The following GRIN2A variants were observed in gnomAD, a reference collection of about 807,000 sequenced individuals.
GRIN2A encodes the protein glutamate ionotropic receptor NMDA type subunit 2A.
GRIN2A carries 22 observed loss-of-function variants against 113.4 expected under a neutral mutation model. The ratio of observed to expected loss-of-function variants is 0.19; its 90% CI spans 0.14 to 0.28. The LOEUF (loss-of-function observed/expected upper bound fraction) is 0.28. Among genes scored for constraint, GRIN2A ranks in the 10% least tolerant of loss-of-function variants. The pLI is 1.00. For missense variants in GRIN2A, 1,502 were observed against 1,887.0 expected, an observed-to-expected ratio of 0.80 and a Z score of 3.78; for synonymous variants, 827 against 738.4, an observed-to-expected ratio of 1.12 and a Z score of -1.94.
At chr16:9,784,432 A>G (rs1469330366) in intron 11 of GRIN2A, among the ~76,000 whole-genome samples, 1 of 142,636 alleles carries the variant, frequency 7.0e-6, no homozygotes, top group African/African-American at 2.8e-5. Flanking sequence ...CTCTAACAAC[A>G]ACAACAACCA....
chr16:9,971,795 A>T (rs531021738), intron 2 of GRIN2A, among the ~76,000 whole-genome samples: 11 of 152,316 alleles, frequency 7.2e-5, no homozygotes, highest in Non-Finnish European at 1.6e-4. Context: ...CCAAACAGGT[A>T]AAAAATTAAA....
At chr16:10,023,666 GA>G (rs2046766728) in intron 2 of GRIN2A, among the ~76,000 whole-genome samples, 1 of 152,190 alleles carries the variant, frequency 6.6e-6, no homozygotes, top group Non-Finnish European at 1.5e-5. Flanking sequence ...CCTCTTGTGA[GA>G]AAAAAGTTTT....
chr16:9,803,964 C>A (rs1471757917), intron 10 of GRIN2A, among the ~76,000 whole-genome samples: 1 of 152,144 alleles, frequency 6.6e-6, no homozygotes, highest in African/African-American at 2.4e-5. Flanking sequence ...CCAGAGCGGC[C>A]GGAGTTTCAA....
Position 9,849,881 on chromosome 16 carries a change from C to G in GRIN2A, c.1203G>C (p.Pro401=). The G allele has an allele frequency of 6.2e-7, 1 of 1,613,976 alleles. No individual in the cohort carries two copies. The highest frequency in any genetic ancestry group is 1.1e-5 in the South Asian group (1 of 91,080). The change falls in exon 5 of 13, where the codon CCG becomes CCC. Residue 401 remains proline (P), a synonymous_variant. Transcript: ENST00000330684. ...TGACGATGCTGAGATGGTTGTCATC[C>G]GGCTCACAGTCGGAGAAGGACTTGT... is the stretch of plus-strand genomic sequence containing the variant. The part of the protein sequence containing the change: ...PRYKSFSDCE[P]DDNHLSIVTL...
chr16:10,110,910 G>A (rs1258255911), intron 2 of GRIN2A, among the ~76,000 whole-genome samples: 6 of 152,322 alleles, frequency 3.9e-5, no homozygotes, highest in African/African-American at 7.2e-5. Context: ...AGACGAGTAA[G>A]AAGTACATCT....
intron 11 of GRIN2A, among the ~76,000 whole-genome samples, chr16:9,795,356 G>T (rs987099591): frequency 6.6e-6 from 1 of 152,166 alleles, no homozygotes; most frequent in African/African-American, 2.4e-5. Flanking sequence ...AAATGCCATG[G>T]CAACATCAGG....
At chr16:9,792,079 TTGTGTGTGTGTGTGTG>T (rs71400495) in intron 11 of GRIN2A, among the ~76,000 whole-genome samples, 2 of 112,258 alleles carry the variant, frequency 1.8e-5, no homozygotes, top group Non-Finnish European at 1.9e-5. Context: ...TGAAGTAAAA[TTGTGTGTGTGTGTGTG>T]TGTGTGTGTG....
At chr16:10,087,941 C>T (rs1040353785) in intron 2 of GRIN2A, among the ~76,000 whole-genome samples, 5 of 150,922 alleles carry the variant, frequency 3.3e-5, no homozygotes, top group East Asian at 3.9e-4. Context: ...CTGCCCACCT[C>T]GGCCTCCCAA....
intron 11 of GRIN2A, among the ~76,000 whole-genome samples, chr16:9,784,214 G>A (rs1902085968): frequency 6.6e-6 from 1 of 152,074 alleles, no homozygotes; most frequent in African/African-American, 2.4e-5. Context: ...TGGATCACCT[G>A]AGGTCAGGAG....
At position 10,030,188 on chromosome 16, in the gene GRIN2A, T is replaced by A. The variant is rs201123638; in HGVS notation, c.415-91637A>T. 3.4e-3 allele frequency among the ~76,000 whole-genome samples: 518 copies of A among 151,164 alleles called. 10 individuals carry two copies. The highest frequency in any genetic ancestry group is 0.033 in the East Asian group (169 of 5,132). On this transcript the variant is annotated intron_variant, in intron 2 of 12. Coordinates refer to ENST00000330684, the MANE Select transcript of GRIN2A (RefSeq NM_001134407.3). Reference sequence around the variant, plus strand: ...ATCTTCACGTTCTTGGGTGATTTTTTAAAAAAAAATCATTAAATGTTATAC... The same window carrying A: ...ATCTTCACGTTCTTGGGTGATTTTTAAAAAAAAAATCATTAAATGTTATAC...
chr16:9,901,715 T>C (rs2141518884), intron 3 of GRIN2A, among the ~76,000 whole-genome samples: 1 of 152,306 alleles, frequency 6.6e-6, no homozygotes, highest in African/African-American at 2.4e-5. Flanking sequence ...CCTCCCAAAG[T>C]GCTGGGATTA....
At chr16:10,177,963 C>T (rs548814043) in intron 2 of GRIN2A, among the ~76,000 whole-genome samples, 1 of 152,232 alleles carries the variant, frequency 6.6e-6, no homozygotes. Context: ...CCAAAGCCTA[C>T]CCGGAACCTC....
At chr16:9,859,492 T>C (rs1414893227) in intron 4 of GRIN2A, among the ~76,000 whole-genome samples, 1 of 151,750 alleles carries the variant, frequency 6.6e-6, no homozygotes, top group Non-Finnish European at 1.5e-5. Flanking sequence ...AAAAGCACAC[T>C]TATATACAGG....
intron 2 of GRIN2A, among the ~76,000 whole-genome samples, chr16:10,044,034 GAGAGAGAGAGAGACAGAGAC>G (rs1328165238): frequency 5.0e-5 from 7 of 139,996 alleles, no homozygotes; most frequent in African/African-American, 2.0e-4. Flanking sequence ...GAGAGAGAGA[GAGAGAGAGAGAGACAGAGAC>G]AGAGACAGAG....
chr16:9,761,416 G>A lies in GRIN2A; in HGVS notation c.*1733C>T. On this transcript the variant is annotated 3_prime_UTR_variant, in exon 13 of 13. Coordinates refer to ENST00000330684, the MANE Select transcript of GRIN2A (RefSeq NM_001134407.3). The stretch of plus-strand genomic sequence containing the variant: ...GGCCAGGCGAGTCTACATTAGCTTA[G>A]TGTTTCCGTAATGGCCCAAAACAGA... The A allele has an allele frequency of 4.3e-6, 1 of 231,378 alleles. No individual in the cohort carries two copies. Among genetic ancestry groups the A allele is most frequent in the Non-Finnish European group, 8.6e-6 (1 of 116,894 alleles). The allele number at this position is 231,378 out of a possible 1,614,324, so 14.3% of individuals were successfully genotyped here.
At chr16:9,964,910 A>G (rs1467325970) in intron 2 of GRIN2A, among the ~76,000 whole-genome samples, 1 of 152,226 alleles carries the variant, frequency 6.6e-6, no homozygotes, top group Admixed American at 6.5e-5. Flanking sequence ...CACACGTGAA[A>G]TTATTTAGCA....
intron 10 of GRIN2A, among the ~76,000 whole-genome samples, chr16:9,813,978 C>T (rs1335127555): frequency 6.6e-6 from 1 of 152,120 alleles, no homozygotes; most frequent in African/African-American, 2.4e-5. Flanking sequence ...GCAAATAAAA[C>T]CTGCTCAAAT....
intron 3 of GRIN2A, 187 bp downstream of exon 3, chr16:9,937,772 C>T: frequency 6.5e-6 from 4 of 611,986 alleles, no homozygotes; most frequent in Non-Finnish European, 8.7e-6. Context: ...GAAACAAAGT[C>T]TAATGTGACT....
chr16:10,148,305 C>A (rs2049488880), intron 2 of GRIN2A, among the ~76,000 whole-genome samples: 1 of 152,156 alleles, frequency 6.6e-6, no homozygotes, highest in African/African-American at 2.4e-5. Context: ...CCTGCAAAGC[C>A]TAAAACATTT....
Sources: allele counts gnomAD v4.1 joint callset (sites outside exome capture counted in the v4.1 genomes callset), GRCh38; gene constraint gnomAD v4.1.1; transcripts MANE v1.5; gene names NCBI Gene and HGNC (gene_info 2026-07-23, HGNC 2026-07-21).